Variants in VPS13B observed in about 807,000 individuals in gnomAD.
The protein encoded by VPS13B is intermembrane lipid transfer protein VPS13B.
VPS13B carries 285 observed loss-of-function variants against 426.4 expected under a neutral mutation model. That is an observed-to-expected ratio of 0.67 (90% confidence interval 0.61 to 0.74). The LOEUF (loss-of-function observed/expected upper bound fraction) is 0.74. VPS13B is among the 30% of genes least tolerant of loss of function. VPS13B has a pLI of 0.00. For synonymous variants in VPS13B, 1,676 were observed against 1,676.4 expected (o/e 1.00, Z 0.01); for missense variants, 4,537 against 4,782.6 (o/e 0.95, Z 1.51).
At chr8:99,598,119 T>A (rs554943614) in intron 33 of VPS13B, among the ~76,000 whole-genome samples, 1 of 152,178 alleles carries the variant, frequency 6.6e-6, no homozygotes, top group South Asian at 2.1e-4. Flanking sequence ...ATGTTTTGCT[T>A]AAGTCAGTGA....
At chr8:99,539,548 C>T (rs929285365) in intron 30 of VPS13B, among the ~76,000 whole-genome samples, 1 of 152,016 alleles carries the variant, frequency 6.6e-6, no homozygotes, top group African/African-American at 2.4e-5. Context: ...GGGTTTGATA[C>T]CAACCTGGTC....
At chr8:99,587,012 C>A (rs1826338039) in intron 33 of VPS13B, among the ~76,000 whole-genome samples, 3 of 152,078 alleles carry the variant, frequency 2.0e-5, no homozygotes, top group Admixed American at 6.6e-5. Flanking sequence ...GTGATGTTCC[C>A]TGCCCTGTGT....
At chr8:99,849,314 G>C (rs1312476200) in intron 55 of VPS13B, among the ~76,000 whole-genome samples, 1 of 152,038 alleles carries the variant, frequency 6.6e-6, no homozygotes, top group African/African-American at 2.4e-5. Context: ...GTTGCCATCA[G>C]GTTTTAAAAA....
intron 16 of VPS13B, among the ~76,000 whole-genome samples, chr8:99,185,612 T>A (rs1232546182): frequency 6.6e-6 from 1 of 152,182 alleles, no homozygotes; most frequent in Non-Finnish European, 1.5e-5. Flanking sequence ...ATATAAATCT[T>A]TAGATCCAGC....
chr8:99,195,601 T>C (rs1002535232), intron 17 of VPS13B, among the ~76,000 whole-genome samples: 1 of 152,248 alleles, frequency 6.6e-6, no homozygotes, highest in East Asian at 1.9e-4. Flanking sequence ...TTTTCTGTTA[T>C]TGCTTTCATT....
intron 58 of VPS13B, among the ~76,000 whole-genome samples, chr8:99,864,441 C>T (rs1049621988): frequency 6.6e-6 from 1 of 152,064 alleles, no homozygotes; most frequent in Non-Finnish European, 1.5e-5. Context: ...CCCTGTGGGC[C>T]CAGCTACTCA....
chr8:99,189,143 G>C (rs1427579834), intron 16 of VPS13B, among the ~76,000 whole-genome samples: 2 of 152,088 alleles, frequency 1.3e-5, no homozygotes, highest in African/African-American at 4.8e-5. Context: ...TAGAGAGGGG[G>C]TTTCACCGTG....
At chr8:99,819,651 A>G in intron 48 of VPS13B, 69 bp downstream of exon 48, 1 of 1,517,622 alleles carries the variant, frequency 6.6e-7, no homozygotes, top group Non-Finnish European at 9.0e-7. Flanking sequence ...TCACAAAAAT[A>G]TTAAATACCA....
At chr8:99,323,048 G>A (rs575551923) in intron 19 of VPS13B, among the ~76,000 whole-genome samples, 5 of 152,286 alleles carry the variant, frequency 3.3e-5, no homozygotes, top group African/African-American at 1.2e-4. Context: ...AGGAACGACC[G>A]ACTGAGATCT....
chr8:99,360,789 G>T lies in VPS13B; in HGVS notation c.2825-23419G>T, dbSNP rs376346956. Among the ~76,000 whole-genome samples, 68 of 152,248 alleles carry T rather than the reference G, an allele frequency of 4.5e-4. 1 individual carries two copies. The highest frequency in any genetic ancestry group is 1.5e-3 in the African/African-American group (64 of 41,556). On this transcript the variant is annotated intron_variant, in intron 19 of 61. Coordinates refer to ENST00000357162, the MANE Select transcript of VPS13B (RefSeq NM_152564.5). ...AGAAGTAAGGGAATTAACAATGGAA[G>T]ATAATTATGATATGTAAGTTAAGTT...
chr8:99,690,645 AAG>A (rs1427593911), intron 35 of VPS13B, among the ~76,000 whole-genome samples: 2 of 152,112 alleles, frequency 1.3e-5, no homozygotes, highest in Non-Finnish European at 2.9e-5. Flanking sequence ...AAAATATAAA[AAG>A]AACTCCTACA....
At chr8:99,425,096 C>G (rs1012702449) in intron 21 of VPS13B, among the ~76,000 whole-genome samples, 1 of 152,090 alleles carries the variant, frequency 6.6e-6, no homozygotes, top group Admixed American at 6.6e-5. Flanking sequence ...CAAAAAAAGT[C>G]CAGGACCAGG....
intron 6 of VPS13B, among the ~76,000 whole-genome samples, chr8:99,114,145 CTT>C (rs35036952): frequency 1.4e-5 from 2 of 146,426 alleles, no homozygotes; most frequent in East Asian, 2.0e-4. Context: ...TTGCAAATAT[CTT>C]TTTTTTTTTT....
chr8:99,871,923 C>T (rs1375251213), intron 61 of VPS13B, among the ~76,000 whole-genome samples: 1 of 152,216 alleles, frequency 6.6e-6, no homozygotes, highest in Non-Finnish European at 1.5e-5. Flanking sequence ...ATAGGAGAAC[C>T]CAGCAGGCGG....
At chr8:99,853,377 G>T in intron 55 of VPS13B, 74 bp from the exon 56 acceptor site, 5 of 1,510,370 alleles carry the variant, frequency 3.3e-6, no homozygotes, top group Non-Finnish European at 4.6e-6. Flanking sequence ...ATAGGGTACT[G>T]TCAATAAAAA....
chr8:99,831,918 A>G (rs554844507), intron 51 of VPS13B, among the ~76,000 whole-genome samples: 2 of 152,174 alleles, frequency 1.3e-5, no homozygotes, highest in South Asian at 2.1e-4. Context: ...CATGTCCCCA[A>G]CCCAGCCTCT....
At chr8:99,120,833 A>G (rs1847897919) in intron 7 of VPS13B, among the ~76,000 whole-genome samples, 1 of 152,030 alleles carries the variant, frequency 6.6e-6, no homozygotes, top group South Asian at 2.1e-4. Context: ...TATTTTTGAG[A>G]GGTAGGTTTT....
At chr8:99,250,687 T>G (rs1817457948) in intron 17 of VPS13B, among the ~76,000 whole-genome samples, 1 of 124,770 alleles carries the variant, frequency 8.0e-6, no homozygotes, top group African/African-American at 3.1e-5. Context: ...TTTTTTTTTT[T>G]TTTTTTTTTT....
At chr8:99,596,043 C>G (rs142290041) in intron 33 of VPS13B, among the ~76,000 whole-genome samples, 3 of 152,004 alleles carry the variant, frequency 2.0e-5, no homozygotes, top group Non-Finnish European at 2.9e-5. Flanking sequence ...AATTGGAACC[C>G]TCTTACACTG....
Sources: allele counts gnomAD v4.1 joint callset (sites outside exome capture counted in the v4.1 genomes callset), GRCh38; gene constraint gnomAD v4.1.1; transcripts MANE v1.5; gene names NCBI Gene and HGNC (gene_info 2026-07-23, HGNC 2026-07-21).